GPC5: variants seen among roughly 807,000 people sequenced by gnomAD.
The protein encoded by GPC5 is glypican-5.
GPC5 carries 47 observed loss-of-function variants against 53.9 expected under a neutral mutation model. The ratio of observed to expected loss-of-function variants is 0.87; its 90% CI spans 0.69 to 1.11. GPC5 has a LOEUF of 1.11. GPC5 is among the 50% of genes most tolerant of loss of function. The pLI is 0.00. For missense variants in GPC5, 748 were observed against 713.1 expected (o/e 1.05, Z -0.56); for synonymous variants, 286 against 263.3 (o/e 1.09, Z -0.84).
chr13:91,827,713 G>A (rs775233072), intron 5 of GPC5, among the ~76,000 whole-genome samples: 1 of 151,990 alleles, frequency 6.6e-6, no homozygotes, highest in Non-Finnish European at 1.5e-5. Context: ...TTCTTGCTGA[G>A]CGTATAGAAT....
chr13:92,737,428 G>A (rs764603448), intron 7 of GPC5, among the ~76,000 whole-genome samples: 3 of 151,924 alleles, frequency 2.0e-5, no homozygotes, highest in African/African-American at 4.8e-5. Context: ...GAAGATGCCC[G>A]GAAATTCATT....
intron 7 of GPC5, among the ~76,000 whole-genome samples, chr13:92,497,714 A>G (rs1880029640): frequency 6.6e-6 from 1 of 151,774 alleles, no homozygotes; most frequent in Admixed American, 6.6e-5. Flanking sequence ...CATATTCATG[A>G]TATTGATTCT....
intron 7 of GPC5, among the ~76,000 whole-genome samples, chr13:92,512,630 A>T (rs1049973727): frequency 2.0e-5 from 3 of 152,158 alleles, no homozygotes; most frequent in African/African-American, 7.2e-5. Context: ...CCCTATGCCA[A>T]TATCCAGTTA....
intron 2 of GPC5, among the ~76,000 whole-genome samples, chr13:91,686,846 C>T (rs1166405480): frequency 6.6e-6 from 1 of 151,890 alleles, no homozygotes; most frequent in African/African-American, 2.4e-5. Flanking sequence ...AATGAATTAT[C>T]CATTGCAATA....
At chr13:91,853,522 T>C (rs780169161) in intron 5 of GPC5, among the ~76,000 whole-genome samples, 1 of 151,964 alleles carries the variant, frequency 6.6e-6, no homozygotes, top group Admixed American at 6.6e-5. Context: ...CTGGTTTAGA[T>C]ACAGCTAAAG....
intron 7 of GPC5, among the ~76,000 whole-genome samples, chr13:92,767,719 G>A (rs913182840): frequency 6.6e-6 from 1 of 152,000 alleles, no homozygotes; most frequent in Non-Finnish European, 1.5e-5. Context: ...TTTCTAATGA[G>A]GAAAGTACGT....
chr13:92,498,324 G>C (rs1278907416), intron 7 of GPC5, among the ~76,000 whole-genome samples: 2 of 152,060 alleles, frequency 1.3e-5, no homozygotes, highest in East Asian at 3.9e-4. Flanking sequence ...GGCCACATGT[G>C]CCATATGTTT....
chr13:92,190,576 G>C (rs2042216399), intron 7 of GPC5, among the ~76,000 whole-genome samples: 3 of 152,030 alleles, frequency 2.0e-5, no homozygotes, highest in African/African-American at 7.3e-5. Flanking sequence ...CAAGAGATAG[G>C]AGGAAGGAAT....
At chr13:92,106,385 T>G (rs927996384) in intron 6 of GPC5, among the ~76,000 whole-genome samples, 1 of 152,098 alleles carries the variant, frequency 6.6e-6, no homozygotes, top group African/African-American at 2.4e-5. Flanking sequence ...GCTACATGTA[T>G]GAAAATATTT....
At chr13:92,690,371 C>T (rs1289652654) in intron 7 of GPC5, among the ~76,000 whole-genome samples, 1 of 91,218 alleles carries the variant, frequency 1.1e-5, no homozygotes, top group Non-Finnish European at 2.0e-5. Flanking sequence ...GCTCCTGAGG[C>T]TTCTGCATTC....
At chr13:92,638,874 T>C (rs1248376130) in intron 7 of GPC5, among the ~76,000 whole-genome samples, 1 of 152,226 alleles carries the variant, frequency 6.6e-6, no homozygotes, top group African/African-American at 2.4e-5. Flanking sequence ...TATGAAATTC[T>C]AACATTTTAT....
chr13:92,181,321 G>T (rs957925086), intron 7 of GPC5, among the ~76,000 whole-genome samples: 12 of 152,046 alleles, frequency 7.9e-5, no homozygotes, highest in African/African-American at 2.9e-4. Flanking sequence ...CCCAAACAAG[G>T]TACTATCACT....
In GPC5 at chr13:91,962,184, T is replaced by C. The variant is rs145031863; in HGVS notation, c.1401+54127T>C. ...AGTGTTTTCTATGGAGTAGTGGGGGTTGAAAACAGGCTGAAGTGTGCTGAA... is the reference window on the plus strand; with the variant it reads ...AGTGTTTTCTATGGAGTAGTGGGGGCTGAAAACAGGCTGAAGTGTGCTGAA... On this transcript the variant is annotated intron_variant, in intron 6 of 7. Coordinates refer to ENST00000377067, the MANE Select transcript of GPC5 (RefSeq NM_004466.6). 4.8e-3 allele frequency among the ~76,000 whole-genome samples: 734 copies of C among 152,154 alleles called. 6 individuals carry two copies. The highest frequency in any genetic ancestry group is 0.017 in the African/African-American group (687 of 41,526).
chr13:92,165,951 A>C (rs1228404569), intron 7 of GPC5, among the ~76,000 whole-genome samples: 2 of 152,194 alleles, frequency 1.3e-5, no homozygotes, highest in Non-Finnish European at 2.9e-5. Context: ...CATGGCCAAC[A>C]AATAGGACTT....
intron 7 of GPC5, among the ~76,000 whole-genome samples, chr13:92,801,019 T>TAAAAAAAGAAA (rs1876883699): frequency 6.7e-6 from 1 of 149,690 alleles, no homozygotes; most frequent in African/African-American, 2.5e-5. Context: ...TAGATGTTAC[T>TAAAAAAAGAAA]AAAAAAAGAA....
intron 6 of GPC5, among the ~76,000 whole-genome samples, chr13:91,979,026 A>G (rs138861383): frequency 6.6e-6 from 1 of 152,316 alleles, no homozygotes; most frequent in Non-Finnish European, 1.5e-5. Context: ...TGGTTTTGCC[A>G]TTTACTGAGA....
intron 7 of GPC5, among the ~76,000 whole-genome samples, chr13:92,640,827 T>A (rs1045957271): frequency 6.6e-6 from 1 of 152,060 alleles, no homozygotes; most frequent in African/African-American, 2.4e-5. Context: ...TTAAATAAAG[T>A]AGGATGATTA....
intron 7 of GPC5, among the ~76,000 whole-genome samples, chr13:92,456,498 C>T (rs1352606190): frequency 2.0e-5 from 3 of 152,176 alleles, no homozygotes; most frequent in Non-Finnish European, 4.4e-5. Flanking sequence ...TAGCTTTCAA[C>T]ACCTTGGACT....
At chr13:91,886,702 G>T (rs1381615878) in intron 5 of GPC5, among the ~76,000 whole-genome samples, 1 of 152,228 alleles carries the variant, frequency 6.6e-6, no homozygotes, top group East Asian at 1.9e-4. Flanking sequence ...CTCCATGCAA[G>T]TCTGAAATCC....
Sources: allele counts gnomAD v4.1 joint callset (sites outside exome capture counted in the v4.1 genomes callset), GRCh38; gene constraint gnomAD v4.1.1; transcripts MANE v1.5; gene names NCBI Gene and HGNC (gene_info 2026-07-23, HGNC 2026-07-21).